KCNQ4: variants seen among roughly 807,000 people sequenced by gnomAD.
KCNQ4 encodes potassium voltage-gated channel subfamily Q member 4, also known as potassium voltage-gated channel subfamily KQT member 4.
In KCNQ4, 31 loss-of-function variants were observed where a neutral mutation model predicts 72.6. The ratio of observed to expected loss-of-function variants is 0.43; its 90% CI spans 0.32 to 0.58. The LOEUF (loss-of-function observed/expected upper bound fraction) is 0.58, where lower values mean the gene tolerates loss of function less well. Ranked by LOEUF, KCNQ4 falls within the 20% of genes least tolerant of loss-of-function variation. KCNQ4 has a pLI of 0.08. For synonymous variants in KCNQ4, 405 were observed against 403.7 expected (o/e 1.00, Z -0.04); for missense variants, 869 against 962.6 (o/e 0.90, Z 1.29).
chr1:40,808,394 G>A (rs921172286), intron 1 of KCNQ4, among the ~76,000 whole-genome samples: 2 of 152,200 alleles, frequency 1.3e-5, no homozygotes, highest in African/African-American at 4.8e-5. Context: ...TGCCTGTGAT[G>A]TTCCAGGTCT....
chr1:40,836,226 T>C (rs1045664474), intron 12 of KCNQ4, among the ~76,000 whole-genome samples: 3 of 152,150 alleles, frequency 2.0e-5, no homozygotes, highest in Admixed American at 1.3e-4. Context: ...AGATTCTAGA[T>C]ACATTTTGTA....
intron 1 of KCNQ4, among the ~76,000 whole-genome samples, chr1:40,806,384 C>G (rs1362014390): frequency 1.3e-5 from 2 of 152,338 alleles, no homozygotes; most frequent in Admixed American, 6.5e-5. Context: ...ATGGATGCCC[C>G]TGTGTCCTCT....
intron 12 of KCNQ4, among the ~76,000 whole-genome samples, chr1:40,836,145 T>G (rs976305488): frequency 1.3e-5 from 2 of 152,164 alleles, no homozygotes; most frequent in African/African-American, 4.8e-5. Context: ...GAGAACCTGC[T>G]TCAGACTTCC....
At chr1:40,829,473 C>G (rs563044557) in intron 9 of KCNQ4, among the ~76,000 whole-genome samples, 5 of 152,090 alleles carry the variant, frequency 3.3e-5, no homozygotes, top group Admixed American at 3.3e-4. Context: ...GGGCAGAGGC[C>G]GCCACCCCTA....
Position 40,784,167 on chromosome 1 carries a change from C to A in KCNQ4, c.74C>A (p.Ala25Glu), listed in dbSNP as rs1647180800. The A allele has an allele frequency of 9.1e-7, 1 of 1,104,538 alleles. No individual in the cohort carries two copies. Among genetic ancestry groups the A allele is most frequent in the African/African-American group, 1.7e-5 (1 of 58,974 alleles). The allele number at this position is 1,104,538 out of a possible 1,614,324, so 68.4% of individuals were successfully genotyped here. ...PGDAPRAELVALTAVQSEQGE... is the reference protein window; with the variant it reads ...PGDAPRAELVELTAVQSEQGE... ...GACGCCCCCCGCGCGGAGCTAGTGG[C>A]GCTCACGGCCGTGCAGAGCGAACAG... The change falls in exon 1 of 14, where the codon GCG becomes GAG. Residue 25 changes from alanine (A) to glutamate (E), a missense_variant. By Grantham distance (107) the Ala-to-Glu change is moderately radical (BLOSUM62 -1). Around this residue, in one of 5 missense-constraint regions of KCNQ4, gnomAD observed 178 missense variants for 145.3 expected, o/e 1.22. Transcript: ENST00000347132. The surrounding 1 kb of genome is among the most constrained non-coding windows in gnomAD (Gnocchi z 4.1).
intron 9 of KCNQ4, among the ~76,000 whole-genome samples, chr1:40,825,957 T>C (rs1344174811): frequency 3.3e-5 from 5 of 152,168 alleles, no homozygotes; most frequent in African/African-American, 1.2e-4. Flanking sequence ...CGTATCTATC[T>C]GCCTGGGAGG....
intron 1 of KCNQ4, among the ~76,000 whole-genome samples, chr1:40,789,827 A>G (rs1348005238): frequency 6.6e-6 from 1 of 152,182 alleles, no homozygotes; most frequent in East Asian, 1.9e-4. Context: ...TCTCTGAGCC[A>G]GTCAAAGGAG....
rs574631437 is a variant in KCNQ4 at position 40,784,565 on chromosome 1, C to T, written c.314+158C>T. Among the ~76,000 whole-genome samples, 276 of 152,216 alleles carry T rather than the reference C, an allele frequency of 1.8e-3. 4 individuals carry two copies. The highest frequency in any genetic ancestry group is 6.3e-3 in the African/African-American group (260 of 41,530). On this transcript the variant is annotated intron_variant, in intron 1 of 13. Coordinates refer to ENST00000347132, the MANE Select transcript of KCNQ4 (RefSeq NM_004700.4). This position sits in a 1 kb window ranked among gnomAD's most constrained non-coding sequence, Gnocchi z 4.1. The stretch of plus-strand genomic sequence containing the variant: ...CTAAGCCCGGTTTCTGATCCCCTCG[C>T]TGAGCCCGACCCTAAGCCCTGATCT...
intron 6 of KCNQ4, 24 bp downstream of exon 6, chr1:40,820,009 G>T: frequency 6.2e-7 from 1 of 1,601,618 alleles, no homozygotes; most frequent in Non-Finnish European, 8.6e-7. Context: ...TGCTCAGTTG[G>T]TGGGGGAGGC....
intron 1 of KCNQ4, chr1:40,804,815 C>CT (rs1647707490): frequency 9.1e-6 from 1 of 110,330 alleles, no homozygotes; most frequent in Admixed American, 9.9e-5. Flanking sequence ...GAGACCCTGT[C>CT]TCAAAAAAAA....
At position 40,819,783 on chromosome 1, in the gene KCNQ4, C is replaced by G. The variant is rs557701630; in HGVS notation, c.835-92C>G. 1.0e-5 allele frequency: 11 copies of G among 1,077,596 alleles called. No individual in the cohort carries two copies. The East Asian group carries it at 2.1e-4, about 21-fold the overall frequency. The allele number at this position is 1,077,596 out of a possible 1,614,324, so 66.8% of individuals were successfully genotyped here. A position where few individuals can be genotyped will look rare whatever the true frequency, so the allele number is the denominator to read the frequency against. The stretch of plus-strand genomic sequence containing the variant: ...CCCGTGGGTGACCAGGGGCCCCTTC[C>G]CTCATGATCAGGCTCCTACCTGCCT... On this transcript the variant is annotated intron_variant, in intron 5 of 13. Transcript: ENST00000347132.
intron 1 of KCNQ4, among the ~76,000 whole-genome samples, chr1:40,813,981 T>C (rs1426458373): frequency 6.6e-6 from 1 of 151,628 alleles, no homozygotes; most frequent in African/African-American, 2.4e-5. Flanking sequence ...TCTCCTGACC[T>C]TGTGATCTGC....
At chr1:40,792,030 G>A (rs1030152268) in intron 1 of KCNQ4, among the ~76,000 whole-genome samples, 3 of 149,970 alleles carry the variant, frequency 2.0e-5, no homozygotes, top group Admixed American at 2.0e-4. Flanking sequence ...CAACTTTGGC[G>A]GGGTGTGGGT....
At chr1:40,792,454 G>A (rs77111763) in intron 1 of KCNQ4, among the ~76,000 whole-genome samples, 2,231 of 152,294 alleles carry the variant, frequency 0.015, 22 homozygotes, top group Non-Finnish European at 0.023. Context: ...AGGTCTCAGC[G>A]CTGGAGCAGA....
intron 1 of KCNQ4, among the ~76,000 whole-genome samples, chr1:40,797,281 A>C (rs1647443081): frequency 6.6e-6 from 1 of 152,244 alleles, no homozygotes; most frequent in African/African-American, 2.4e-5. Context: ...TCCCAGAGGA[A>C]GAGGCTTAAG....
At position 40,838,495 on chromosome 1, in the gene KCNQ4, C is replaced by T. The variant is rs528812659; in HGVS notation, c.2060C>T (p.Ser687Phe). The change falls in exon 14 of 14, where the codon TCC (serine) becomes TTC (phenylalanine). Residue 687 changes from serine to phenylalanine, a missense_variant. Coordinates refer to ENST00000347132, the MANE Select transcript of KCNQ4 (RefSeq NM_004700.4). ...ISVSAQTLSI[S>F]RSVSTNMD is the part of the protein sequence containing the mutation. ...GTCTCCGCACAGACGCTCAGCATCT[C>T]CCGCTCGGTCAGCACCAACATGGAC... The T allele has an allele frequency of 1.1e-5, 18 of 1,614,158 alleles. No individual in the cohort carries two copies. The South Asian group carries it at 1.3e-4, about 12-fold the overall frequency.
chr1:40,796,600 T>G (rs1466597105), intron 1 of KCNQ4, among the ~76,000 whole-genome samples: 1 of 151,986 alleles, frequency 6.6e-6, no homozygotes, highest in Non-Finnish European at 1.5e-5. Flanking sequence ...GGGGGTGATA[T>G]TAGGAGAAGT....
chr1:40,831,004 C>T, intron 9 of KCNQ4, 80 bp from the exon 10 acceptor site: 1 of 1,263,010 alleles, frequency 7.9e-7, no homozygotes, highest in Non-Finnish European at 1.1e-6. Context: ...CCCCCAAGTC[C>T]TAAGTCAGCT....
intron 4 of KCNQ4, chr1:40,818,896 T>A: frequency 1.6e-6 from 1 of 618,832 alleles, no homozygotes; most frequent in Non-Finnish European, 2.9e-6. Flanking sequence ...CCGGACCGGA[T>A]CAGGGGGCGG....
Sources: allele counts gnomAD v4.1 joint callset (sites outside exome capture counted in the v4.1 genomes callset), GRCh38; gene constraint gnomAD v4.1.1; regional missense constraint gnomAD v4.1.1; non-coding constraint Gnocchi (gnomAD v3.1); transcripts MANE v1.5; gene names NCBI Gene and HGNC (gene_info 2026-07-23, HGNC 2026-07-21).